The following VPS13A variants were observed in gnomAD, a reference collection of about 807,000 sequenced individuals.
VPS13A encodes vacuolar protein sorting 13 homolog A, also known as intermembrane lipid transfer protein VPS13A.
A neutral mutation model predicts 390.9 loss-of-function variants in VPS13A; 264 were observed. That is an observed-to-expected ratio of 0.68 (90% CI 0.61 to 0.75). The LOEUF is 0.75. Among genes scored for constraint, VPS13A ranks in the 30% least tolerant of loss-of-function variants. VPS13A has a pLI of 0.00. For missense variants in VPS13A, 3,409 were observed against 3,733.9 expected, an observed-to-expected ratio of 0.91 and a Z score of 2.27; for synonymous variants, 1,231 against 1,227.1, an observed-to-expected ratio of 1.00 and a Z score of -0.07.
chr9:77,254,461 A>G (rs1449057811), intron 22 of VPS13A, among the ~76,000 whole-genome samples: 4 of 152,270 alleles, frequency 2.6e-5, no homozygotes, highest in Admixed American at 2.6e-4. Context: ...AAGTTTTGAA[A>G]TCAGGAGATG....
chr9:77,234,382 C>G (rs1034865748), intron 17 of VPS13A, among the ~76,000 whole-genome samples: 1 of 152,070 alleles, frequency 6.6e-6, no homozygotes, highest in Non-Finnish European at 1.5e-5. Flanking sequence ...CCAGCTCTCT[C>G]TTGGTTATGA....
At chr9:77,327,499 A>G (rs889733482) in intron 45 of VPS13A, among the ~76,000 whole-genome samples, 3 of 152,210 alleles carry the variant, frequency 2.0e-5, no homozygotes, top group Admixed American at 6.5e-5. Flanking sequence ...CTTAGTTCTC[A>G]TGTTTTATAT....
chr9:77,186,477 G>A (rs1445576796), intron 1 of VPS13A, among the ~76,000 whole-genome samples: 1 of 151,786 alleles, frequency 6.6e-6, no homozygotes, highest in Non-Finnish European at 1.5e-5. Context: ...CTGCTGTGTT[G>A]CCCAGCCTGG....
In VPS13A at chr9:77,177,728, G is replaced by A. The variant is rs143617269; in HGVS notation, c.24G>A (p.Val8=). The A allele has an allele frequency of 1.2e-5, 19 of 1,613,394 alleles. No individual in the cohort carries two copies. Among genetic ancestry groups the A allele is most frequent in the Non-Finnish European group, 1.6e-5 (19 of 1,179,672 alleles). Residue 8 remains valine (V), a synonymous_variant, in exon 1 of 72, where the codon GTG becomes GTA. Coordinates refer to ENST00000360280, the MANE Select transcript of VPS13A (RefSeq NM_033305.3). ...ACATGGTTTTCGAGTCGGTGGTCGT[G>A]GACGTGTTGAACCGGTTCTTGGGGG... MVFESVV[V]DVLNRFLGDY... is the part of the protein sequence containing the mutation.
At chr9:77,382,761 T>G (rs1833507992) in intron 68 of VPS13A, 7 of 985,700 alleles carry the variant, frequency 7.1e-6, no homozygotes, top group Non-Finnish European at 8.4e-6. Context: ...TTATAAAACT[T>G]GTGGGATTTG....
At chr9:77,398,066 T>C (rs2025845) in intron 68 of VPS13A, among the ~76,000 whole-genome samples, 5,828 of 152,268 alleles carry the variant, frequency 0.038, 313 homozygotes, top group East Asian at 0.19. Flanking sequence ...TCATTTATTT[T>C]AAAGGCTATC....
At chr9:77,356,233 T>G (rs976286844) in intron 54 of VPS13A, among the ~76,000 whole-genome samples, 3 of 152,162 alleles carry the variant, frequency 2.0e-5, no homozygotes, top group African/African-American at 7.2e-5. Context: ...AATGTTTTCC[T>G]CCTCTTGTCT....
chr9:77,241,129 C>T (rs1372413480), intron 19 of VPS13A, among the ~76,000 whole-genome samples: 1 of 152,068 alleles, frequency 6.6e-6, no homozygotes, highest in Non-Finnish European at 1.5e-5. Context: ...CATATATTCT[C>T]TTCTGGAATT....
At chr9:77,411,784 C>T (rs1185611644) in intron 71 of VPS13A, among the ~76,000 whole-genome samples, 2 of 150,972 alleles carry the variant, frequency 1.3e-5, no homozygotes, top group African/African-American at 2.4e-5. Context: ...ACAAAAAACC[C>T]TTCAAAAAAT....
chr9:77,347,802 T>TA (rs1260680951), intron 52 of VPS13A, among the ~76,000 whole-genome samples: 1 of 152,188 alleles, frequency 6.6e-6, no homozygotes, highest in East Asian at 1.9e-4. Context: ...AATATACTTC[T>TA]AGGCTGCCTT....
At chr9:77,265,485 G>T (rs150030654) in intron 23 of VPS13A, among the ~76,000 whole-genome samples, 41 of 152,222 alleles carry the variant, frequency 2.7e-4, no homozygotes, top group African/African-American at 7.7e-4. Flanking sequence ...CTTGTTATTG[G>T]TCTATTCAGG....
chr9:77,349,369 C>T (rs970146431), intron 52 of VPS13A, among the ~76,000 whole-genome samples: 8 of 152,008 alleles, frequency 5.3e-5, no homozygotes, highest in Non-Finnish European at 7.4e-5. Flanking sequence ...AATTGCATGT[C>T]ACGGGGTTTT....
Position 77,318,310 on chromosome 9 carries a change from G to GA in VPS13A, c.5035dup (p.Thr1679AsnfsTer23). 1 of 1,611,078 alleles carries GA rather than the reference G, an allele frequency of 6.2e-7. No individual in the cohort carries two copies. Among genetic ancestry groups the GA allele is most frequent in the Non-Finnish European group, 8.5e-7 (1 of 1,179,290 alleles). On this transcript the variant is annotated frameshift_variant, in exon 41 of 72. Transcript: ENST00000360280. LOFTEE classifies it high-confidence loss of function. ...TACAACTAAGGAAACCATCCCAGAA[G>GA]AAACGGCTTCTTCTACTGCACATTT...
intron 22 of VPS13A, among the ~76,000 whole-genome samples, chr9:77,258,552 T>G (rs188341038): frequency 3.4e-4 from 52 of 152,268 alleles, no homozygotes; most frequent in African/African-American, 1.2e-3. Flanking sequence ...ACTGAGAGTC[T>G]TGAGGCAGAG....
intron 23 of VPS13A, among the ~76,000 whole-genome samples, chr9:77,268,576 T>A (rs926996043): frequency 2.0e-5 from 3 of 152,042 alleles, no homozygotes; most frequent in Non-Finnish European, 4.4e-5. Flanking sequence ...GAGCTGCAGG[T>A]TGGAGTTGTT....
intron 31 of VPS13A, among the ~76,000 whole-genome samples, chr9:77,287,622 G>A (rs184814408): frequency 3.3e-5 from 5 of 152,276 alleles, no homozygotes; most frequent in Middle Eastern, 3.4e-3. Context: ...AGAAAGCAGG[G>A]TAATGTGACA....
chr9:77,285,275 A>G (rs190777466), intron 31 of VPS13A, among the ~76,000 whole-genome samples: 5 of 152,242 alleles, frequency 3.3e-5, no homozygotes, highest in Non-Finnish European at 4.4e-5. Flanking sequence ...GATATATATT[A>G]TTGTGCCAGT....
At chr9:77,190,452 G>A (rs1185413948) in intron 1 of VPS13A, among the ~76,000 whole-genome samples, 1 of 152,032 alleles carries the variant, frequency 6.6e-6, no homozygotes, top group East Asian at 1.9e-4. Context: ...CTTGATCATG[G>A]TAGATGTGCT....
rs912809323 is a variant in VPS13A at position 77,419,349 on chromosome 9, A to G, written c.*3343A>G. ...TGGTTCCTGAAATACTGTTTCAGCT[A>G]AATATTCTATTTACTGTGTATACTG... On this transcript the variant is annotated 3_prime_UTR_variant, in exon 72 of 72. Transcript: ENST00000360280. 1 of 152,226 alleles carries G rather than the reference A, an allele frequency of 6.6e-6. No homozygotes were observed. The highest frequency in any genetic ancestry group is 2.4e-5 in the African/African-American group (1 of 41,472). The allele number at this position is 152,226 out of a possible 1,614,324, so 9.4% of individuals were successfully genotyped here.
Sources: allele counts gnomAD v4.1 joint callset (sites outside exome capture counted in the v4.1 genomes callset), GRCh38; gene constraint gnomAD v4.1.1; transcripts MANE v1.5; gene names NCBI Gene and HGNC (gene_info 2026-07-23, HGNC 2026-07-21).